The following CHCHD6 variants were observed in gnomAD, a reference collection of about 807,000 sequenced individuals.
The protein encoded by CHCHD6 is coiled-coil-helix-coiled-coil-helix domain containing 6.
Under a neutral mutation model 32.3 loss-of-function variants are expected in CHCHD6, and 28 were observed. The observed-to-expected ratio is 0.87, with a 90% CI of 0.64 to 1.19. The LOEUF (loss-of-function observed/expected upper bound fraction) is 1.19. Among genes scored for constraint, CHCHD6 ranks in the 50% most tolerant of loss-of-function variants. CHCHD6 has a pLI of 0.00. For synonymous variants in CHCHD6, 122 were observed against 117.5 expected (o/e 1.04, Z -0.25); for missense variants, 333 against 307.0 (o/e 1.08, Z -0.63).
chr3:126,799,309 A>G (rs1218861619), intron 4 of CHCHD6, among the ~76,000 whole-genome samples: 1 of 152,244 alleles, frequency 6.6e-6, no homozygotes, highest in East Asian at 1.9e-4. Flanking sequence ...ACAGTTGTGT[A>G]GAAAGCCAAG....
At chr3:126,916,086 T>C (rs7611422) in intron 6 of CHCHD6, among the ~76,000 whole-genome samples, 14,369 of 151,594 alleles carry the variant, frequency 0.095, 865 homozygotes, top group Middle Eastern at 0.22. Flanking sequence ...TAAGAATGGG[T>C]TTGGGAAAGA....
At chr3:126,890,866 T>C (rs2077748333) in intron 5 of CHCHD6, among the ~76,000 whole-genome samples, 2 of 152,192 alleles carry the variant, frequency 1.3e-5, no homozygotes, top group East Asian at 3.8e-4. Context: ...TGTCTCACTT[T>C]GGCTGGGGTT....
chr3:126,937,983 CAG>C (rs939436295), intron 6 of CHCHD6, among the ~76,000 whole-genome samples: 15 of 152,320 alleles, frequency 9.8e-5, no homozygotes, highest in East Asian at 7.7e-4. Flanking sequence ...ACTGAGAAAA[CAG>C]GGGATTCCCA....
chr3:126,834,515 A>G (rs927429190), intron 4 of CHCHD6, among the ~76,000 whole-genome samples: 2 of 152,162 alleles, frequency 1.3e-5, no homozygotes, highest in African/African-American at 4.8e-5. Context: ...GGAATGGGCC[A>G]GAAGCAGGGG....
At chr3:126,936,122 T>C (rs1392212226) in intron 6 of CHCHD6, among the ~76,000 whole-genome samples, 1 of 152,216 alleles carries the variant, frequency 6.6e-6, no homozygotes, top group African/African-American at 2.4e-5. Context: ...GCTGTGAAAT[T>C]CCCACAACCT....
intron 4 of CHCHD6, among the ~76,000 whole-genome samples, chr3:126,802,456 G>A (rs1404423501): frequency 6.6e-6 from 1 of 152,194 alleles, no homozygotes; most frequent in African/African-American, 2.4e-5. Flanking sequence ...CTGGAAGAAA[G>A]GGTTTCAGTG....
At chr3:126,906,055 A>G (rs2078000969) in intron 5 of CHCHD6, among the ~76,000 whole-genome samples, 1 of 152,190 alleles carries the variant, frequency 6.6e-6, no homozygotes. Flanking sequence ...TAGATGCTGC[A>G]CAGACACCAT....
rs557820866 is a variant in CHCHD6 at position 126,771,527 on chromosome 3, C to T, written c.411+38305C>T. Among the ~76,000 whole-genome samples the T allele has an allele frequency of 2.0e-5, 3 of 152,086 alleles. No homozygotes were observed. In the South Asian group the frequency reaches 6.2e-4, roughly 31 times the overall value. On this transcript the variant is annotated intron_variant, in intron 4 of 7. Coordinates refer to ENST00000290913, the MANE Select transcript of CHCHD6 (RefSeq NM_032343.3). Reference sequence around the variant, plus strand: ...CCTGGCCCCCTAAAGGGGGGTTCTCCTCTCTTATTTTCTTTGTTAGTCTAA... The same window carrying T: ...CCTGGCCCCCTAAAGGGGGGTTCTCTTCTCTTATTTTCTTTGTTAGTCTAA...
chr3:126,805,048 T>G (rs1939294422), intron 4 of CHCHD6, among the ~76,000 whole-genome samples: 1 of 152,272 alleles, frequency 6.6e-6, no homozygotes, highest in African/African-American at 2.4e-5. Flanking sequence ...ATGGGACGTA[T>G]CTCAAAATAA....
chr3:126,896,717 TATGAGAC>T (rs1198496252), intron 5 of CHCHD6, among the ~76,000 whole-genome samples: 3 of 152,168 alleles, frequency 2.0e-5, no homozygotes, highest in Non-Finnish European at 2.9e-5. Flanking sequence ...GGGCTTCTCA[TATGAGAC>T]ATGCTTCCCT....
At chr3:126,910,836 G>A (rs1003043784) in intron 5 of CHCHD6, among the ~76,000 whole-genome samples, 3 of 152,090 alleles carry the variant, frequency 2.0e-5, no homozygotes, top group Admixed American at 6.5e-5. Context: ...GTCTGCTGCA[G>A]TCAAGTGAGT....
intron 5 of CHCHD6, among the ~76,000 whole-genome samples, chr3:126,861,777 C>G (rs568546824): frequency 7.5e-6 from 1 of 132,750 alleles, no homozygotes; most frequent in East Asian, 2.3e-4. Context: ...CCACCTCCCC[C>G]TCCACGACCA....
intron 6 of CHCHD6, among the ~76,000 whole-genome samples, chr3:126,933,056 T>C (rs942487305): frequency 2.5e-4 from 38 of 152,112 alleles, no homozygotes; most frequent in Non-Finnish European, 5.6e-4. Flanking sequence ...GTCTGTGCTA[T>C]TACTGGACTG....
intron 4 of CHCHD6, among the ~76,000 whole-genome samples, chr3:126,797,703 C>T (rs1430895046): frequency 1.3e-5 from 2 of 152,230 alleles, no homozygotes; most frequent in African/African-American, 2.4e-5. Context: ...CAGCCTCCCT[C>T]TCCTTGCCCC....
chr3:126,802,904 G>A (rs567574810), intron 4 of CHCHD6, among the ~76,000 whole-genome samples: 2,787 of 152,128 alleles, frequency 0.018, 32 homozygotes, highest in Middle Eastern at 0.051. Flanking sequence ...AGTGGGGGCC[G>A]ATATTCAACA....
At chr3:126,844,294 T>A (rs1288162369) in intron 4 of CHCHD6, among the ~76,000 whole-genome samples, 1 of 152,238 alleles carries the variant, frequency 6.6e-6, no homozygotes, top group Non-Finnish European at 1.5e-5. Flanking sequence ...ACTTGTTCTA[T>A]CAATATTTTG....
intron 4 of CHCHD6, among the ~76,000 whole-genome samples, chr3:126,780,746 G>A (rs1230246110): frequency 6.6e-6 from 1 of 152,186 alleles, no homozygotes; most frequent in Non-Finnish European, 1.5e-5. Context: ...TAATGCTGCT[G>A]TGTGTGGACT....
At position 126,730,880 on chromosome 3, in the gene CHCHD6, A is replaced by G. The variant is rs192193497; in HGVS notation, c.266+250A>G. Among the ~76,000 whole-genome samples, 1,066 of 152,238 alleles carry G rather than the reference A, an allele frequency of 7.0e-3. 12 individuals are homozygous for G. Among genetic ancestry groups the G allele is most frequent in the African/African-American group, 0.024 (1,004 of 41,546 alleles). On this transcript the variant is annotated intron_variant, in intron 3 of 7. Coordinates refer to ENST00000290913, the MANE Select transcript of CHCHD6 (RefSeq NM_032343.3). ...GCCCAGCAGTTTGAGAGGCCAAGGC[A>G]GGAGGGTTGCTTGAGGCCAGGAGTT...
chr3:126,815,428 G>T (rs980809928), intron 4 of CHCHD6, among the ~76,000 whole-genome samples: 5 of 152,152 alleles, frequency 3.3e-5, no homozygotes, highest in African/African-American at 1.2e-4. Flanking sequence ...TGCCAGGCGT[G>T]CTCTCCTAGT....
Sources: allele counts gnomAD v4.1 joint callset (sites outside exome capture counted in the v4.1 genomes callset), GRCh38; gene constraint gnomAD v4.1.1; transcripts MANE v1.5; gene names NCBI Gene and HGNC (gene_info 2026-07-23, HGNC 2026-07-21).